Variants in COL6A6 observed in about 807,000 individuals in gnomAD.
COL6A6 encodes the protein collagen type VI alpha 6 chain.
A neutral mutation model predicts 208.6 loss-of-function variants in COL6A6; 183 were observed. The observed-to-expected ratio is 0.88, with a 90% confidence interval of 0.78 to 0.99. The LOEUF is 0.99. Among genes scored for constraint, COL6A6 ranks in the 50% least tolerant of loss-of-function variants. The pLI is 0.00. For synonymous variants in COL6A6, 973 were observed against 1,011.8 expected, an observed-to-expected ratio of 0.96 and a Z score of 0.73; for missense variants, 2,816 against 2,815.2, an observed-to-expected ratio of 1.00 and a Z score of -0.01.
rs899943216 is a variant in COL6A6, at chr3:130,560,339, A to C, written c.-26A>C. On this transcript the variant is annotated 5_prime_UTR_variant, in exon 2 of 37. Transcript: ENST00000358511. ...TTATATTTTTGCCTTTTCAGATTTGAAGTTGAAGATTTTTCAGGTCATAAT... is the reference window on the plus strand; with the variant it reads ...TTATATTTTTGCCTTTTCAGATTTGCAGTTGAAGATTTTTCAGGTCATAAT... 1.9e-6 allele frequency: 3 copies of C among 1,590,336 alleles called. No homozygotes were observed. Among genetic ancestry groups the C allele is most frequent in the Admixed American group, 1.7e-5 (1 of 57,348 alleles).
intron 8 of COL6A6, among the ~76,000 whole-genome samples, chr3:130,577,041 T>C (rs753739786): frequency 2.6e-5 from 4 of 152,310 alleles, no homozygotes; most frequent in Admixed American, 6.5e-5. Context: ...ATTCAACATA[T>C]GTGAAAGGGA....
At chr3:130,644,578 T>C (rs539278711) in intron 31 of COL6A6, among the ~76,000 whole-genome samples, 2 of 152,246 alleles carry the variant, frequency 1.3e-5, no homozygotes, top group South Asian at 2.1e-4. Context: ...TACAAAGATA[T>C]AGATACATTT....
At chr3:130,656,769 C>T (rs1244461804) in intron 33 of COL6A6, among the ~76,000 whole-genome samples, 3 of 152,212 alleles carry the variant, frequency 2.0e-5, no homozygotes, top group Admixed American at 6.5e-5. Flanking sequence ...CCCCCTTGGA[C>T]TCCCTCTCGT....
At chr3:130,625,811 T>A (rs1001399374) in intron 24 of COL6A6, among the ~76,000 whole-genome samples, 1 of 152,228 alleles carries the variant, frequency 6.6e-6, no homozygotes, top group Non-Finnish European at 1.5e-5. Flanking sequence ...GTGACAAATG[T>A]ACCCTACAAA....
chr3:130,641,549 C>A, intron 28 of COL6A6, 103 bp from the exon 29 acceptor site: 1 of 534,222 alleles, frequency 1.9e-6, no homozygotes, highest in Non-Finnish European at 3.1e-6. Context: ...GAAATTTTCA[C>A]TTTTGAATTT....
At chr3:130,647,229 C>T (rs932006863) in intron 32 of COL6A6, among the ~76,000 whole-genome samples, 2 of 152,160 alleles carry the variant, frequency 1.3e-5, no homozygotes, top group East Asian at 3.9e-4. Context: ...TTCCTGGCAG[C>T]TTGCTTGGTT....
intron 28 of COL6A6, among the ~76,000 whole-genome samples, chr3:130,638,844 C>A (rs1293297794): frequency 6.6e-6 from 1 of 152,192 alleles, no homozygotes; most frequent in Non-Finnish European, 1.5e-5. Flanking sequence ...CTCTCTCTGG[C>A]ACCTTATTGC....
At chr3:130,665,830 G>A (rs144858369) in intron 36 of COL6A6, among the ~76,000 whole-genome samples, 2 of 152,156 alleles carry the variant, frequency 1.3e-5, no homozygotes, top group South Asian at 2.1e-4. Context: ...AAACCATCGC[G>A]TGACAGGTTG....
chr3:130,634,218 T>TAAAAAAAAAAAAAAAAA (rs1559769514), intron 26 of COL6A6, among the ~76,000 whole-genome samples: 1 of 66,288 alleles, frequency 1.5e-5, no homozygotes, highest in Non-Finnish European at 4.0e-5. Context: ...AAAAAATAAA[T>TAAAAAAAAAAAAAAAAA]AAATAAATAA....
chr3:130,610,648 G>T lies in COL6A6; in HGVS notation c.4753-1G>T, dbSNP rs375533573. ...ATAATGCTTTAATTCTATGTACTTA[G>T]GGCCCAAGAGGAGAGGCTGGTGTGA... On this transcript the variant is annotated splice_acceptor_variant, in intron 22 of 36. Transcript: ENST00000358511. LOFTEE classifies it high-confidence loss of function. The T allele has an allele frequency of 6.3e-7, 1 of 1,584,776 alleles. No individual in the cohort carries two copies. The highest frequency in any genetic ancestry group is 8.6e-7 in the Non-Finnish European group (1 of 1,164,028).
At chr3:130,579,730 G>A (rs1220032650) in intron 8 of COL6A6, among the ~76,000 whole-genome samples, 1 of 152,066 alleles carries the variant, frequency 6.6e-6, no homozygotes, top group Non-Finnish European at 1.5e-5. Context: ...GTCACCAATG[G>A]CAGATTCACT....
chr3:130,570,444 T>A (rs2063135352), intron 6 of COL6A6, among the ~76,000 whole-genome samples: 1 of 152,108 alleles, frequency 6.6e-6, no homozygotes. Flanking sequence ...AAGAAAAAAA[T>A]TGTATAAATG....
At chr3:130,582,545 A>G (rs796272494) in intron 10 of COL6A6, among the ~76,000 whole-genome samples, 4 of 152,256 alleles carry the variant, frequency 2.6e-5, no homozygotes, top group African/African-American at 9.6e-5. Context: ...CCTTCAGACC[A>G]TGGATTGGCC....
chr3:130,590,383 A>G (rs1396559635), intron 12 of COL6A6, among the ~76,000 whole-genome samples: 3 of 127,228 alleles, frequency 2.4e-5, no homozygotes, highest in Non-Finnish European at 4.8e-5. Context: ...ACATATGTAT[A>G]CATGTGCCAT....
intron 26 of COL6A6, 128 bp downstream of exon 26, chr3:130,627,497 G>C (rs1294312605): frequency 9.2e-6 from 7 of 758,760 alleles, no homozygotes; most frequent in Non-Finnish European, 1.6e-5. Context: ...ATATATTTCA[G>C]TAATTTATTT....
In COL6A6 at chr3:130,649,479, G is replaced by T. The variant is rs1430128860; in HGVS notation, c.5650G>T (p.Ala1884Ser). ...CGCGGATGCCCACTCCATCACCACGGCTGCCATGGAGTTCGGCGCGCTTGA... is the reference window on the plus strand; with the variant it reads ...CGCGGATGCCCACTCCATCACCACGTCTGCCATGGAGTTCGGCGCGCTTGA... ...QSADAHSITT[A>S]AMEFGALEII... is the part of the protein sequence containing the mutation. The change falls in exon 33 of 37, where the codon GCT becomes TCT. Residue 1884 changes from alanine to serine, a missense_variant. Coordinates refer to ENST00000358511, the MANE Select transcript of COL6A6 (RefSeq NM_001102608.3). 13 of 1,610,660 alleles carry T rather than the reference G, an allele frequency of 8.1e-6. No homozygotes were observed. Among genetic ancestry groups the T allele is most frequent in the Non-Finnish European group, 1.1e-5 (13 of 1,178,502 alleles).
At position 130,621,854 on chromosome 3, in the gene COL6A6, C is replaced by T; in HGVS notation, c.4849C>T (p.Gln1617Ter). The T allele has an allele frequency of 6.2e-7, 1 of 1,613,870 alleles. No individual in the cohort carries two copies. The highest frequency in any genetic ancestry group is 1.3e-5 in the African/African-American group (1 of 75,030). Residue 1617 changes from glutamine to a stop codon, truncating the protein, a stop_gained, in exon 24 of 37, where the codon CAA becomes TAA. Transcript: ENST00000358511. LOFTEE classifies it high-confidence loss of function. The stretch of plus-strand genomic sequence containing the variant: ...AGGACCCGGAGGAGAGGCAGGGAAT[C>T]AAGGCCGTTTGGGAAGCCAAGGAAA... ...PPGPGGEAGN[Q>*]GRLGSQGNKG...
At chr3:130,531,029 C>G (rs536589892) in intron 1 of COL6A6, among the ~76,000 whole-genome samples, 26 of 49,654 alleles carry the variant, frequency 5.2e-4, no homozygotes, top group African/African-American at 1.6e-3. Context: ...CACACACACA[C>G]ACACACACAG....
In COL6A6 at chr3:130,565,634, G is replaced by T. The variant is rs1428247805; in HGVS notation, c.1282+20G>T. 6.3e-7 allele frequency: 1 copy of T among 1,587,304 alleles called. No individual in the cohort carries two copies. Among genetic ancestry groups the T allele is most frequent in the South Asian group, 1.2e-5 (1 of 86,226 alleles). ...AATCTGGTAAGGTCTTCTGCTGAAA[G>T]AAGGGTTGTTTGGATTCTTTTTTTC... On this transcript the variant is annotated intron_variant, in intron 4 of 36. Transcript: ENST00000358511.
Sources: gnomAD v4.1 joint callset for allele counts (sites outside exome capture counted in the v4.1 genomes callset) on GRCh38, gnomAD v4.1.1 for gene constraint, MANE v1.5 for transcripts, NCBI Gene and HGNC (gene_info 2026-07-23, HGNC 2026-07-21) for gene names.